Variants in ATP13A2 observed in about 807,000 individuals in gnomAD.
ATP13A2 encodes the protein ATPase cation transporting 13A2.
In ATP13A2, 83 loss-of-function variants were observed where a neutral mutation model predicts 138.3. The ratio of observed to expected loss-of-function variants is 0.60; its 90% confidence interval spans 0.50 to 0.72. The LOEUF (loss-of-function observed/expected upper bound fraction) is 0.72, where lower values mean the gene tolerates loss of function less well. ATP13A2 is among the 30% of genes least tolerant of loss of function. The probability of loss-of-function intolerance (pLI) is 0.00; values close to 1 mark genes in which losing one functional copy is unlikely to be tolerated. For missense variants in ATP13A2, 1,402 were observed against 1,606.4 expected (o/e 0.87, Z 2.17); for synonymous variants, 663 against 699.0 (o/e 0.95, Z 0.81).
In ATP13A2 at chr1:17,004,616, A is replaced by C; in HGVS notation, c.477+76T>G. 1 of 1,612,016 alleles carries C rather than the reference A, an allele frequency of 6.2e-7. No individual in the cohort carries two copies. The highest frequency in any genetic ancestry group is 8.5e-7 in the Non-Finnish European group (1 of 1,178,536). ...CAGAACTAAAAGGTGGTGGGAGAACATGAAGTCTGACTCTCCCATTGCACA... is the reference window on the plus strand; with the variant it reads ...CAGAACTAAAAGGTGGTGGGAGAACCTGAAGTCTGACTCTCCCATTGCACA... On this transcript the variant is annotated intron_variant, in intron 5 of 28. Coordinates refer to ENST00000326735, the MANE Select transcript of ATP13A2 (RefSeq NM_022089.4). The surrounding 1 kb of genome is among the most constrained non-coding windows in gnomAD (Gnocchi z 4.1).
intron 1 of ATP13A2, among the ~76,000 whole-genome samples, chr1:17,007,354 C>T (rs2077596941): frequency 6.6e-6 from 1 of 152,120 alleles, no homozygotes; most frequent in African/African-American, 2.4e-5. Flanking sequence ...TTTACATATG[C>T]AGATGCCAGG....
chr1:17,006,157 A>T (rs1031734258), intron 1 of ATP13A2, among the ~76,000 whole-genome samples: 18 of 151,620 alleles, frequency 1.2e-4, no homozygotes, highest in African/African-American at 4.4e-4. Flanking sequence ...AAAACAAAAC[A>T]CAAAACAGTA....
chr1:16,989,352 C>T (rs1470296941), intron 23 of ATP13A2, among the ~76,000 whole-genome samples: 6 of 152,182 alleles, frequency 3.9e-5, no homozygotes, highest in Admixed American at 2.6e-4. Flanking sequence ...GCTGGGATGA[C>T]CGGTGTGTCA....
intron 16 of ATP13A2, among the ~76,000 whole-genome samples, chr1:16,992,834 G>C (rs1249935526): frequency 1.3e-5 from 2 of 152,282 alleles, no homozygotes; most frequent in Non-Finnish European, 2.9e-5. Flanking sequence ...GCTAGGGCTT[G>C]GGGAAGAGGA....
Position 17,004,781 on chromosome 1 carries a change from T to C in ATP13A2, c.388A>G (p.Ser130Gly). Residue 130 changes from serine (S) to glycine (G), a missense_variant, in exon 5 of 29, where the codon AGC becomes GGC. By Grantham distance (56) the Ser-to-Gly change is moderately conservative. Coordinates refer to ENST00000326735, the MANE Select transcript of ATP13A2 (RefSeq NM_022089.4). The surrounding 1 kb of genome is among the most constrained non-coding windows in gnomAD (Gnocchi z 4.1). Reference sequence around the variant, plus strand: ...GGTACCGCCCCAACTGCCGCCTGGCTCCGGCCATCCTCTGCCTGGGACTGT... The same window carrying C: ...GGTACCGCCCCAACTGCCGCCTGGCCCCGGCCATCCTCTGCCTGGGACTGT... The part of the protein sequence containing the change: ...SPQSQAEDGR[S>G]QAAVGAVPEG... The C allele has an allele frequency of 1.2e-6, 2 of 1,613,986 alleles. No individual in the cohort carries two copies. The highest frequency in any genetic ancestry group is 1.7e-6 in the Non-Finnish European group (2 of 1,180,026).
chr1:17,005,943 T>G (rs1031350669), intron 1 of ATP13A2, among the ~76,000 whole-genome samples, 165 bp from the exon 2 acceptor site: 1 of 152,156 alleles, frequency 6.6e-6, no homozygotes, highest in Non-Finnish European at 1.5e-5. Flanking sequence ...GAGATCAACC[T>G]GGCTAACATG....
chr1:16,992,009 C>T lies in ATP13A2; in HGVS notation c.2126G>A (p.Arg709Lys). Residue 709 changes from arginine to lysine, a missense_variant and splice_region_variant, in exon 19 of 29, where the codon AGG becomes AAG. Coordinates refer to ENST00000326735, the MANE Select transcript of ATP13A2 (RefSeq NM_022089.4). ...TGGGTGGGACAGGAGACAGGCCCAC[C>T]TCGTCAGTTGCTGGGCTGCCTCCAG... ...PSLEAAQQLTRDTVEGDLSLL... is the reference protein window; with the variant it reads ...PSLEAAQQLTKDTVEGDLSLL... 1 of 1,612,534 alleles carries T rather than the reference C, an allele frequency of 6.2e-7. No homozygotes were observed. Among genetic ancestry groups the T allele is most frequent in the Non-Finnish European group, 8.5e-7 (1 of 1,179,154 alleles).
intron 1 of ATP13A2, among the ~76,000 whole-genome samples, chr1:17,009,601 C>T (rs995452429): frequency 6.6e-6 from 1 of 151,726 alleles, no homozygotes; most frequent in Non-Finnish European, 1.5e-5. Context: ...ATTTTGTTGC[C>T]CAGGCTGATC....
intron 1 of ATP13A2, among the ~76,000 whole-genome samples, chr1:17,008,673 G>C (rs778664228): frequency 6.6e-6 from 1 of 152,114 alleles, no homozygotes; most frequent in Non-Finnish European, 1.5e-5. Flanking sequence ...CAGGCCGGCC[G>C]TGCGCAGTGG....
At position 16,987,158 on chromosome 1, in the gene ATP13A2, G is replaced by A. The variant is rs767626197; in HGVS notation, c.2971C>T (p.Arg991Trp). The change falls in exon 26 of 29, where the codon CGG becomes TGG. Residue 991 changes from arginine (R) to tryptophan (W), a missense_variant. Arg to Trp is a moderately radical substitution (Grantham distance 101). Coordinates refer to ENST00000326735, the MANE Select transcript of ATP13A2 (RefSeq NM_022089.4). Reference sequence around the variant, plus strand: ...ACGCTGAGCAGCGCCCCCGGTGGCCGCACCCGTCCCAGGACCAGCGCTGGC... The same window carrying A: ...ACGCTGAGCAGCGCCCCCGGTGGCCACACCCGTCCCAGGACCAGCGCTGGC... ...TGPALVLGRV[R>W]PPGALLSVPV... 2.8e-5 allele frequency: 45 copies of A among 1,613,020 alleles called. No individual in the cohort carries two copies. The highest frequency in any genetic ancestry group is 3.4e-5 in the Non-Finnish European group (40 of 1,179,638).
In ATP13A2 at chr1:16,986,072, C is replaced by T. The variant is rs1406268579; in HGVS notation, c.*149G>A. ...GTAGGGGACAGTAGTCAACGCTTCC[C>T]CAGGGTGGGGGTGGTCTCGGGGGAG... is the stretch of plus-strand genomic sequence containing the variant. On this transcript the variant is annotated 3_prime_UTR_variant, in exon 29 of 29. Coordinates refer to ENST00000326735, the MANE Select transcript of ATP13A2 (RefSeq NM_022089.4). The surrounding 1 kb of genome is among the most constrained non-coding windows in gnomAD (Gnocchi z 6.9). The T allele has an allele frequency of 6.6e-7, 1 of 1,523,858 alleles. No individual in the cohort carries two copies. The allele number at this position is 1,523,858 out of a possible 1,614,324, so 94.4% of individuals were successfully genotyped here.
At chr1:17,008,568 C>T (rs908143898) in intron 1 of ATP13A2, among the ~76,000 whole-genome samples, 2 of 152,148 alleles carry the variant, frequency 1.3e-5, no homozygotes, top group Non-Finnish European at 2.9e-5. Flanking sequence ...ATTTCCCAGG[C>T]TCTCTTCTCC....
chr1:17,004,265 C>A lies in ATP13A2; in HGVS notation c.557+67G>T. 6.5e-7 allele frequency: 1 copy of A among 1,528,274 alleles called. No individual in the cohort carries two copies. The highest frequency in any genetic ancestry group is 1.2e-5 in the South Asian group (1 of 85,892). The allele number at this position is 1,528,274 out of a possible 1,614,324, so 94.7% of individuals were successfully genotyped here. A position where few individuals can be genotyped will look rare whatever the true frequency, so the allele number is the denominator to read the frequency against. ...GAGGGGAGCCCAGGCCATGCCATGC[C>A]ACCGTCTGTGCCCAAACCAGTGCCA... On this transcript the variant is annotated intron_variant, in intron 6 of 28. Transcript: ENST00000326735. The surrounding 1 kb of genome is among the most constrained non-coding windows in gnomAD (Gnocchi z 4.1).
At position 16,992,342 on chromosome 1, in the gene ATP13A2, G is replaced by A. The variant is rs1236601412; in HGVS notation, c.1906C>T (p.Arg636Cys). The change falls in exon 18 of 29, where the codon CGC (arginine) becomes TGC (cysteine). Residue 636 changes from arginine to cysteine, a missense_variant. Arg to Cys is a radical substitution (Grantham distance 180). Transcript: ENST00000326735. ...HRFPFSSALQRMSVVVAWPGA... is the reference protein window; with the variant it reads ...HRFPFSSALQCMSVVVAWPGA... ...GGCCACGCCACCACCACACTCATGC[G>A]CTGCAGAGCCGAAGAGAAGGGGAAG... is the stretch of plus-strand genomic sequence containing the variant. 1.4e-5 allele frequency: 22 copies of A among 1,612,902 alleles called. No homozygotes were observed. The highest frequency in any genetic ancestry group is 1.9e-5 in the Non-Finnish European group (22 of 1,179,796).
Position 16,986,241 on chromosome 1 carries a change from G to GCAGCGGCGGC in ATP13A2, c.3513_3522dup (p.Pro1175AlafsTer89). 4 of 1,610,534 alleles carry GCAGCGGCGGC rather than the reference G, an allele frequency of 2.5e-6. No homozygotes were observed. The highest frequency in any genetic ancestry group is 3.4e-6 in the Non-Finnish European group (4 of 1,178,912). ...CTGCACTACCTCAGGGGGCCGGCGGGCAGCGGCGGCCAGGGCTGCTCGGCC... is the reference window on the plus strand; with the variant it reads ...CTGCACTACCTCAGGGGGCCGGCGGGCAGCGGCGGCCAGCGGCGGCCAGGGCTGCTCGGCC... On this transcript the variant is annotated frameshift_variant, in exon 29 of 29. Coordinates refer to ENST00000326735, the MANE Select transcript of ATP13A2 (RefSeq NM_022089.4). LOFTEE classifies it high-confidence loss of function. The surrounding 1 kb of genome is among the most constrained non-coding windows in gnomAD (Gnocchi z 6.9).
At chr1:16,990,673 C>G (rs552653752) in intron 20 of ATP13A2, among the ~76,000 whole-genome samples, 1 of 148,650 alleles carries the variant, frequency 6.7e-6, no homozygotes, top group South Asian at 2.2e-4. Context: ...AGGGTGCGAC[C>G]ACACCAGGCT....
intron 15 of ATP13A2, among the ~76,000 whole-genome samples, chr1:16,994,800 C>A (rs940441717): frequency 3.3e-5 from 5 of 152,040 alleles, no homozygotes; most frequent in African/African-American, 1.2e-4. Flanking sequence ...GTAACTGGGA[C>A]AACAGGCATA....
chr1:16,996,131 C>T lies in ATP13A2; in HGVS notation c.1387G>A (p.Asp463Asn), dbSNP rs776550207. ...PLNEIVIRAL[D>N]LVTVVVPPAL... The stretch of plus-strand genomic sequence containing the variant: ...GGTGGCACCACCACGGTCACCAGGT[C>T]GAGAGCCCGGATTACAATCTCATTC... The change falls in exon 15 of 29, where the codon GAC becomes AAC. Residue 463 changes from aspartate to asparagine, a missense_variant. Transcript: ENST00000326735. The T allele has an allele frequency of 1.9e-6, 3 of 1,614,082 alleles. No individual in the cohort carries two copies. Among genetic ancestry groups the T allele is most frequent in the East Asian group, 2.2e-5 (1 of 44,890 alleles).
chr1:16,996,602 T>A, intron 12 of ATP13A2, 106 bp from the exon 13 acceptor site: 2 of 884,148 alleles, frequency 2.3e-6, no homozygotes, highest in Non-Finnish European at 3.7e-6. Context: ...AGACATGATG[T>A]TTGTGAAATT....
Sources: allele counts gnomAD v4.1 joint callset (sites outside exome capture counted in the v4.1 genomes callset), GRCh38; gene constraint gnomAD v4.1.1; non-coding constraint Gnocchi (gnomAD v3.1); transcripts MANE v1.5; gene names NCBI Gene and HGNC (gene_info 2026-07-23, HGNC 2026-07-21).